LONRF3: variants seen among roughly 807,000 people sequenced by gnomAD.
LONRF3 encodes the protein LON peptidase N-terminal domain and ring finger 3, also known as LON peptidase N-terminal domain and RING finger protein 3.
A neutral mutation model predicts 51.7 loss-of-function variants in LONRF3; 19 were observed. That is an observed-to-expected ratio of 0.37 (90% CI 0.26 to 0.54). LONRF3 has a LOEUF of 0.54. Among genes scored for constraint, LONRF3 ranks in the 20% least tolerant of loss-of-function variants. The probability of loss-of-function intolerance (pLI) is 0.86; values close to 1 mark genes in which losing one functional copy is unlikely to be tolerated. For missense variants in LONRF3, 521 were observed against 623.9 expected (o/e 0.84, Z 1.76); for synonymous variants, 265 against 257.8 (o/e 1.03, Z -0.27).
intron 7 of LONRF3, among the ~76,000 whole-genome samples, chrX:119,009,685 G>A (rs935312553): frequency 3.6e-5 from 4 of 111,888 alleles, no homozygotes. Flanking sequence ...TCTACTTCAC[G>A]ACCCTAGGCA....
rs377610734 is a variant in LONRF3, at chrX:118,990,464, T to C, written c.1325-6T>C. The C allele has an allele frequency of 3.0e-5, 36 of 1,200,571 alleles. No homozygotes were observed. Among genetic ancestry groups the C allele is most frequent in the Non-Finnish European group, 3.8e-5 (34 of 886,896 alleles). On this transcript the variant is annotated splice_polypyrimidine_tract_variant and splice_region_variant and intron_variant, in intron 4 of 10. Coordinates refer to ENST00000371628, the MANE Select transcript of LONRF3 (RefSeq NM_001031855.3). ...CAGCGCTGACTTCTTGCTTTCTAAATCGCAGATCCTCCCACTGATCAGGGG... is the reference window on the plus strand; with the variant it reads ...CAGCGCTGACTTCTTGCTTTCTAAACCGCAGATCCTCCCACTGATCAGGGG...
chrX:119,010,076 A>G (rs1305576608), intron 7 of LONRF3, among the ~76,000 whole-genome samples: 1 of 111,662 alleles, frequency 9.0e-6, no homozygotes, highest in Non-Finnish European at 1.9e-5. Context: ...TGGCCACCTC[A>G]TGGACTTCTT....
Position 119,011,839 on chromosome X carries a change from C to T in LONRF3, c.1677C>T (p.Phe559=), listed in dbSNP as rs761393744. ...GCCTTAATAAGAATGTGCCTATTTT[C>T]GTGTGTACTATGGCCTATCCCACCG... ...LSNLNKNVPI[F]VCTMAYPTVP... The change falls in exon 8 of 11, where the codon TTC becomes TTT. Residue 559 remains phenylalanine, a synonymous_variant. Coordinates refer to ENST00000371628, the MANE Select transcript of LONRF3 (RefSeq NM_001031855.3). The T allele has an allele frequency of 9.9e-6, 12 of 1,209,641 alleles. No individual in the cohort carries two copies. The highest frequency in any genetic ancestry group is 3.0e-5 in the East Asian group (1 of 33,790).
intron 3 of LONRF3, among the ~76,000 whole-genome samples, chrX:118,988,240 A>G (rs1371981153): frequency 8.9e-6 from 1 of 111,994 alleles, no homozygotes; most frequent in African/African-American, 3.2e-5. Context: ...TTCAATAATT[A>G]AGATCACTAT....
chrX:119,010,315 C>G (rs923176656), intron 7 of LONRF3, among the ~76,000 whole-genome samples: 1 of 110,949 alleles, frequency 9.0e-6, no homozygotes, highest in African/African-American at 3.3e-5. Context: ...GCCCTCTCCT[C>G]CCTCCATCCG....
chrX:119,003,400 C>T (rs1185513151), intron 5 of LONRF3, among the ~76,000 whole-genome samples: 1 of 111,602 alleles, frequency 9.0e-6, no homozygotes, highest in Non-Finnish European at 1.9e-5. Context: ...TTGATTTTTG[C>T]GAATGATATG....
chrX:118,995,920 A>G (rs773246927), intron 5 of LONRF3, among the ~76,000 whole-genome samples: 19 of 112,325 alleles, frequency 1.7e-4, no homozygotes, highest in African/African-American at 5.2e-4. Flanking sequence ...CAGACATTCA[A>G]AGAAGAATTG....
rs142579791 is a variant in LONRF3 at position 118,989,647 on chromosome X, G to T, written c.1299G>T (p.Gly433=). 379 of 1,208,679 alleles carry T rather than the reference G, an allele frequency of 3.1e-4. 4 individuals carry two copies. In the East Asian group the frequency reaches 9.6e-3, roughly 31 times the overall value. The part of the protein sequence containing the change: ...HCQIESQEET[G]MPNKASKQDP... ...AGATTGAATCCCAAGAAGAAACGGG[G>T]ATGCCTAATAAAGCCTCCAAGCAAG... The change falls in exon 4 of 11, where the codon GGG becomes GGT. Residue 433 remains glycine, a synonymous_variant. Transcript: ENST00000371628.
In LONRF3 at chrX:119,011,983, G is replaced by T. The variant is rs896557326; in HGVS notation, c.1811+10G>T. 32 of 1,208,174 alleles carry T rather than the reference G, an allele frequency of 2.6e-5. No individual in the cohort carries two copies. Among genetic ancestry groups the T allele is most frequent in the Non-Finnish European group, 3.0e-5 (27 of 893,964 alleles). ...GAGATCCTGTCAAAGGGTAAGTGAG[G>T]AGCCATGCGAGCAAAGGGAGGTTGT... is the stretch of plus-strand genomic sequence containing the variant. On this transcript the variant is annotated intron_variant, in intron 8 of 10. Transcript: ENST00000371628.
chrX:118,977,496 C>T (rs147604140), intron 1 of LONRF3, among the ~76,000 whole-genome samples: 1 of 112,287 alleles, frequency 8.9e-6, no homozygotes, highest in African/African-American at 3.2e-5. Context: ...CCATTGTGTC[C>T]GTATTATTCC....
chrX:119,007,107 G>GTT (rs1386216201), intron 6 of LONRF3, among the ~76,000 whole-genome samples: 4 of 112,613 alleles, frequency 3.6e-5, no homozygotes, highest in Non-Finnish European at 7.5e-5. Context: ...TTTATGCAGT[G>GTT]TAAGTAGGGA....
chrX:119,011,673 G>T, intron 7 of LONRF3, 142 bp from the exon 8 acceptor site: 1 of 532,518 alleles, frequency 1.9e-6, no homozygotes, highest in Non-Finnish European at 3.2e-6. Context: ...AAAACTTGAT[G>T]TATCTTTGGC....
At chrX:118,975,832 T>A (rs1457073492) in intron 1 of LONRF3, among the ~76,000 whole-genome samples, 1 of 69,278 alleles carries the variant, frequency 1.4e-5, no homozygotes, top group Non-Finnish European at 3.0e-5. Flanking sequence ...TTGCTTTTTG[T>A]CTTTTCCTGC....
chrX:118,990,363 T>C, intron 4 of LONRF3, 107 bp from the exon 5 acceptor site: 1 of 570,697 alleles, frequency 1.8e-6, no homozygotes, highest in Non-Finnish European at 3.0e-6. Flanking sequence ...TGGGAGGTGG[T>C]GGTGAGAGTG....
At chrX:119,009,022 A>T (rs1474081134) in intron 6 of LONRF3, 104 bp from the exon 7 acceptor site, 7 of 658,656 alleles carry the variant, frequency 1.1e-5, no homozygotes, top group Non-Finnish European at 1.6e-5. Flanking sequence ...AGATTACTCC[A>T]ATATGTGGGT....
At chrX:118,998,470 AG>A (rs1252683618) in intron 5 of LONRF3, among the ~76,000 whole-genome samples, 1 of 109,903 alleles carries the variant, frequency 9.1e-6, no homozygotes, top group Non-Finnish European at 1.9e-5. Flanking sequence ...AAAAGTGGGA[AG>A]GGGGTGAAGA....
At chrX:119,010,707 G>A (rs887518990) in intron 7 of LONRF3, among the ~76,000 whole-genome samples, 1 of 111,354 alleles carries the variant, frequency 9.0e-6, no homozygotes, top group African/African-American at 3.3e-5. Context: ...GATAGGTTTA[G>A]GTTCAGATGT....
intron 7 of LONRF3, among the ~76,000 whole-genome samples, chrX:119,011,038 C>T (rs1434025296): frequency 4.6e-5 from 5 of 107,833 alleles, no homozygotes; most frequent in East Asian, 5.7e-4. Flanking sequence ...TGCTTGAACC[C>T]GGGAGGCGGA....
At chrX:118,987,781 C>T in intron 3 of LONRF3, among the ~76,000 whole-genome samples, 1 of 111,306 alleles carries the variant, frequency 9.0e-6, no homozygotes, top group Non-Finnish European at 1.9e-5. Flanking sequence ...GCAAAGACAA[C>T]TCTGATCCTC....
Sources: gnomAD v4.1 joint callset for allele counts (sites outside exome capture counted in the v4.1 genomes callset) on GRCh38, gnomAD v4.1.1 for gene constraint, MANE v1.5 for transcripts, NCBI Gene and HGNC (gene_info 2026-07-23, HGNC 2026-07-21) for gene names.